Variants in DPYD observed in about 807,000 individuals in gnomAD.
The protein encoded by DPYD is dihydropyrimidine dehydrogenase, also known as dihydropyrimidine dehydrogenase [NADP(+)].
In DPYD, 109 loss-of-function variants were observed where a neutral mutation model predicts 116.2. The ratio of observed to expected loss-of-function variants is 0.94; its 90% confidence interval spans 0.80 to 1.10. The LOEUF (loss-of-function observed/expected upper bound fraction) is 1.10. Ranked by LOEUF, DPYD falls within the 50% of genes least tolerant of loss-of-function variation. DPYD has a pLI of 0.00. For missense variants in DPYD, 1,302 were observed against 1,254.5 expected (o/e 1.04, Z -0.57); for synonymous variants, 440 against 432.0 (o/e 1.02, Z -0.23).
At chr1:97,121,826 T>C (rs1048304535) in intron 20 of DPYD, among the ~76,000 whole-genome samples, 1 of 152,204 alleles carries the variant, frequency 6.6e-6, no homozygotes, top group Non-Finnish European at 1.5e-5. Flanking sequence ...CTTCAGCTAT[T>C]AGTCCAGCAT....
intron 19 of DPYD, among the ~76,000 whole-genome samples, chr1:97,208,922 G>A (rs561923218): frequency 9.2e-5 from 14 of 152,212 alleles, no homozygotes; most frequent in Non-Finnish European, 2.1e-4. Context: ...TTCAAGTTCT[G>A]AATTTTGTAT....
chr1:97,227,136 C>T (rs868029349), intron 19 of DPYD, among the ~76,000 whole-genome samples: 26 of 151,580 alleles, frequency 1.7e-4, no homozygotes, highest in African/African-American at 6.1e-4. Context: ...ACCATCCTGG[C>T]CAACATGTTG....
intron 8 of DPYD, among the ~76,000 whole-genome samples, chr1:97,608,463 A>C (rs1655739320): frequency 6.6e-6 from 1 of 151,774 alleles, no homozygotes; most frequent in South Asian, 2.1e-4. Context: ...TGACCTCTGA[A>C]ACCAAAACCA....
chr1:97,579,298 A>G (rs1653477742), intron 10 of DPYD, among the ~76,000 whole-genome samples: 1 of 152,242 alleles, frequency 6.6e-6, no homozygotes, highest in South Asian at 2.1e-4. Flanking sequence ...AGAATGAAGG[A>G]CAAATTATTA....
At chr1:97,494,113 T>C (rs79926623) in intron 13 of DPYD, among the ~76,000 whole-genome samples, 4,488 of 152,290 alleles carry the variant, frequency 0.029, 106 homozygotes, top group African/African-American at 0.063. Context: ...AAATAATATA[T>C]ACACAATAAC....
chr1:97,404,949 C>CTT (rs558689579), intron 14 of DPYD, among the ~76,000 whole-genome samples: 2 of 136,264 alleles, frequency 1.5e-5, no homozygotes, highest in Non-Finnish European at 3.2e-5. Flanking sequence ...ATCACTTGTA[C>CTT]TTTTTTTTTT....
intron 16 of DPYD, among the ~76,000 whole-genome samples, chr1:97,365,944 T>A (rs78032030): frequency 0.013 from 1,972 of 152,242 alleles, 48 homozygotes; most frequent in African/African-American, 0.046. Flanking sequence ...ATATATAATG[T>A]TTTTTACTGC....
In DPYD at chr1:97,778,885, C is replaced by G. The variant is rs138033907; in HGVS notation, c.234-38406G>C. 4.0e-3 allele frequency among the ~76,000 whole-genome samples: 614 copies of G among 152,216 alleles called. 5 individuals are homozygous for G. The highest frequency in any genetic ancestry group is 9.1e-3 in the African/African-American group (379 of 41,562). ...TACAGAGCTCAAACTAGCTAAGGAA[C>G]CACTTGGTTCAACAAGCTCTCTTTC... On this transcript the variant is annotated intron_variant, in intron 3 of 22. Coordinates refer to ENST00000370192, the MANE Select transcript of DPYD (RefSeq NM_000110.4).
chr1:97,744,770 T>A (rs1377355279), intron 3 of DPYD, among the ~76,000 whole-genome samples: 5 of 152,034 alleles, frequency 3.3e-5, no homozygotes, highest in Non-Finnish European at 7.4e-5. Flanking sequence ...TGTAGGAAAA[T>A]ACATAATTTA....
intron 16 of DPYD, among the ~76,000 whole-genome samples, chr1:97,344,711 T>C (rs35181732): frequency 0.015 from 2,331 of 152,058 alleles, 37 homozygotes; most frequent in South Asian, 0.023. Context: ...TATCCCATTG[T>C]GTACATGCCA....
chr1:97,133,131 T>C (rs2101674115), intron 20 of DPYD, among the ~76,000 whole-genome samples: 1 of 152,174 alleles, frequency 6.6e-6, no homozygotes, highest in East Asian at 1.9e-4. Context: ...CTAAGATATT[T>C]TTTAAAAAAA....
intron 3 of DPYD, among the ~76,000 whole-genome samples, chr1:97,788,481 G>A (rs560313010): frequency 2.6e-5 from 4 of 152,132 alleles, no homozygotes; most frequent in Non-Finnish European, 2.9e-5. Flanking sequence ...CATCAGCGGC[G>A]CTCCCACATC....
intron 12 of DPYD, among the ~76,000 whole-genome samples, chr1:97,540,548 C>A (rs144215160): frequency 6.6e-6 from 1 of 152,074 alleles, no homozygotes; most frequent in Non-Finnish European, 1.5e-5. Flanking sequence ...TCTTGGCACA[C>A]GGAAGCGTTC....
chr1:97,701,625 C>T (rs1467226484), intron 5 of DPYD, among the ~76,000 whole-genome samples: 3 of 151,772 alleles, frequency 2.0e-5, no homozygotes, highest in African/African-American at 7.2e-5. Flanking sequence ...ATTTTCTTAA[C>T]CTCATCCCAC....
chr1:97,392,205 T>C (rs955850), intron 14 of DPYD, among the ~76,000 whole-genome samples: 64,843 of 151,854 alleles, frequency 0.43, 14,371 homozygotes, highest in Admixed American at 0.52. Context: ...TCCCAGTGCA[T>C]AAAAGTTATG....
At chr1:97,686,358 C>T (rs1005320073) in intron 7 of DPYD, among the ~76,000 whole-genome samples, 2 of 151,960 alleles carry the variant, frequency 1.3e-5, no homozygotes, top group Non-Finnish European at 2.9e-5. Flanking sequence ...ACATATAGGC[C>T]GGGCGCGGTG....
intron 13 of DPYD, among the ~76,000 whole-genome samples, chr1:97,470,270 G>C (rs1263733063): frequency 1.3e-5 from 2 of 151,750 alleles, no homozygotes; most frequent in Non-Finnish European, 2.9e-5. Context: ...CAAGTAAACA[G>C]CCTCTTTCTA....
intron 8 of DPYD, among the ~76,000 whole-genome samples, chr1:97,656,749 TA>T (rs1185993240): frequency 6.6e-6 from 1 of 152,132 alleles, no homozygotes; most frequent in East Asian, 1.9e-4. Context: ...CTCATTAAAC[TA>T]ATTTTATAAA....
chr1:97,461,768 TA>T (rs1357031067), intron 13 of DPYD, among the ~76,000 whole-genome samples: 1 of 152,208 alleles, frequency 6.6e-6, no homozygotes, highest in East Asian at 1.9e-4. Context: ...AAAACACCAT[TA>T]AAAAATGTAT....
Sources: gnomAD v4.1 joint callset for allele counts (sites outside exome capture counted in the v4.1 genomes callset) on GRCh38, gnomAD v4.1.1 for gene constraint, MANE v1.5 for transcripts, NCBI Gene and HGNC (gene_info 2026-07-23, HGNC 2026-07-21) for gene names.